Variants in RICTOR observed in about 807,000 individuals in gnomAD.
RICTOR encodes the protein rapamycin-insensitive companion of mTOR.
In RICTOR, 49 loss-of-function variants were observed where a neutral mutation model predicts 214.9. The ratio of observed to expected loss-of-function variants is 0.23; its 90% confidence interval spans 0.18 to 0.29. RICTOR has a LOEUF of 0.29. RICTOR is among the 10% of genes least tolerant of loss of function. The probability of loss-of-function intolerance (pLI) is 1.00; values close to 1 mark genes in which losing one functional copy is unlikely to be tolerated. For synonymous variants in RICTOR, 717 were observed against 711.3 expected, an observed-to-expected ratio of 1.01 and a Z score of -0.13; for missense variants, 1,625 against 2,047.0, an observed-to-expected ratio of 0.79 and a Z score of 3.98.
intron 2 of RICTOR, among the ~76,000 whole-genome samples, chr5:39,051,388 A>G (rs1397665744): frequency 6.6e-6 from 1 of 152,194 alleles, no homozygotes; most frequent in Non-Finnish European, 1.5e-5. Flanking sequence ...CTTTTCACAA[A>G]TAAAAAAAGT....
chr5:38,944,384 T>C (rs1304128189), intron 36 of RICTOR, 62 bp downstream of exon 36: 7 of 1,514,940 alleles, frequency 4.6e-6, no homozygotes, highest in Non-Finnish European at 6.3e-6. Context: ...GTATTTCAAG[T>C]ATCTTTTCTC....
intron 2 of RICTOR, among the ~76,000 whole-genome samples, chr5:39,049,046 A>C (rs1362687002): frequency 6.6e-6 from 1 of 152,174 alleles, no homozygotes; most frequent in African/African-American, 2.4e-5. Flanking sequence ...TTGGAACATA[A>C]ATGTACTCTT....
At chr5:38,944,159 TA>T in intron 36 of RICTOR, 1 of 490,318 alleles carries the variant, frequency 2.0e-6, no homozygotes, top group Non-Finnish European at 3.9e-6. Context: ...TTTCCAAAAG[TA>T]AAAAAGTGAG....
chr5:38,947,113 A>T, intron 32 of RICTOR, 151 bp downstream of exon 32: 1 of 594,890 alleles, frequency 1.7e-6, no homozygotes, highest in Non-Finnish European at 3.0e-6. Flanking sequence ...AAATAATTTT[A>T]ATCTTAAAGT....
At chr5:38,966,616 T>A (rs1561469839) in intron 15 of RICTOR, 25 bp downstream of exon 15, 1 of 1,102,602 alleles carries the variant, frequency 9.1e-7, no homozygotes, top group South Asian at 1.3e-5. Context: ...GTATGAAACA[T>A]ATAATCAGAA....
chr5:39,042,775 G>A (rs1046060953), intron 2 of RICTOR, among the ~76,000 whole-genome samples: 22 of 152,152 alleles, frequency 1.4e-4, no homozygotes, highest in Admixed American at 3.9e-4. Context: ...TTGAATAAAT[G>A]AACTTACTAT....
chr5:39,020,359 T>C (rs575645838), intron 3 of RICTOR, among the ~76,000 whole-genome samples: 62 of 152,290 alleles, frequency 4.1e-4, no homozygotes, highest in African/African-American at 1.2e-3. Context: ...GCAAACTTCA[T>C]TGCTGTCTTA....
chr5:38,952,172 A>G, intron 30 of RICTOR, 24 bp downstream of exon 30: 1 of 1,333,324 alleles, frequency 7.5e-7, no homozygotes, highest in South Asian at 1.2e-5. Flanking sequence ...GGCTAACTTT[A>G]TATGAACCTG....
chr5:39,059,368 G>C (rs571266186), intron 2 of RICTOR, among the ~76,000 whole-genome samples: 3 of 152,126 alleles, frequency 2.0e-5, no homozygotes, highest in Non-Finnish European at 4.4e-5. Flanking sequence ...GGCTGGGAAA[G>C]TAGTGCCTGG....
At position 38,959,884 on chromosome 5, in the gene RICTOR, T is replaced by C. The variant is rs1387094746; in HGVS notation, c.1946A>G (p.Asn649Ser). The change falls in exon 21 of 38, where the codon AAT (asparagine) becomes AGT (serine). Residue 649 changes from asparagine (N) to serine (S), a missense_variant. This residue lies in a region of RICTOR where 1,214 missense variants were observed against 1,470.5 expected (regional missense o/e 0.83). Transcript: ENST00000357387. Reference protein sequence around the residue: ...GMKPERSLQNNGLLTTLSQHY... With the variant: ...GMKPERSLQNSGLLTTLSQHY... ...TTGACTAAGGGTGGTCAATAAACCA[T>C]TATTTTGAAGACTTCTTTCGGGTTT... 1 of 1,612,894 alleles carries C rather than the reference T, an allele frequency of 6.2e-7. No individual in the cohort carries two copies. Among genetic ancestry groups the C allele is most frequent in the South Asian group, 1.1e-5 (1 of 91,052 alleles).
chr5:39,015,429 C>T (rs1428875126), intron 3 of RICTOR, among the ~76,000 whole-genome samples: 1 of 152,050 alleles, frequency 6.6e-6, no homozygotes, highest in Non-Finnish European at 1.5e-5. Flanking sequence ...ATAAAATCTA[C>T]ACACACATTT....
rs746113410 is a variant in RICTOR, at chr5:38,946,503, T to C, written c.4364A>G (p.Asp1455Gly). 2.5e-6 allele frequency: 4 copies of C among 1,612,004 alleles called. No individual in the cohort carries two copies. The highest frequency in any genetic ancestry group is 2.7e-5 in the African/African-American group (2 of 74,870). Residue 1455 changes from aspartate (D) to glycine (G), a missense_variant, in exon 33 of 38, where the codon GAT (aspartate) becomes GGT (glycine). Around this residue, in one of 5 missense-constraint regions of RICTOR, gnomAD observed 1,214 missense variants for 1,470.5 expected, o/e 0.83. Transcript: ENST00000357387. ...FQTKNIPPHD[D>G]RGARAFAHDA... ...ATGGGCAAATGCTCTTGCACCTCGA[T>C]CATCATGTGGTGGTATGTTTTTTGT...
chr5:39,000,099 G>C (rs1239284869), intron 5 of RICTOR, among the ~76,000 whole-genome samples: 1 of 151,786 alleles, frequency 6.6e-6, no homozygotes, highest in African/African-American at 2.4e-5. Flanking sequence ...TAACAACAAA[G>C]CTTCAAAATC....
At chr5:38,962,721 T>A in intron 17 of RICTOR, 135 bp from the exon 18 acceptor site, 1 of 797,466 alleles carries the variant, frequency 1.3e-6, no homozygotes, top group Non-Finnish European at 2.0e-6. Context: ...TTTAAAGTTA[T>A]AAAAACCCAT....
chr5:39,074,240 G>A (rs903011499), intron 1 of RICTOR, 82 bp from the exon 2 acceptor site: 22 of 1,578,536 alleles, frequency 1.4e-5, no homozygotes, highest in Non-Finnish European at 1.8e-5. Context: ...CAGCGCCCCG[G>A]CTCGCTCCCC....
chr5:38,991,191 C>G, intron 6 of RICTOR, 116 bp from the exon 7 acceptor site: 1 of 515,000 alleles, frequency 1.9e-6, no homozygotes, highest in Non-Finnish European at 3.3e-6. Flanking sequence ...ATCTAGGTAT[C>G]AATTTTAATC....
chr5:38,964,374 T>G (rs1579932626), intron 16 of RICTOR, among the ~76,000 whole-genome samples: 1 of 151,838 alleles, frequency 6.6e-6, no homozygotes, highest in South Asian at 2.1e-4. Context: ...TGTGGCCCAG[T>G]AGTACTTGTT....
At chr5:38,954,576 G>T in intron 27 of RICTOR, 198 bp downstream of exon 27, 1 of 483,302 alleles carries the variant, frequency 2.1e-6, no homozygotes, top group Non-Finnish European at 3.7e-6. Context: ...TTAATGCATT[G>T]CAAGGCCATT....
rs760258916 is a variant in RICTOR, at chr5:38,950,280, C to A, written c.3568G>T (p.Gly1190Cys). 5 of 1,613,300 alleles carry A rather than the reference C, an allele frequency of 3.1e-6. No homozygotes were observed. The highest frequency in any genetic ancestry group is 3.4e-6 in the Non-Finnish European group (4 of 1,179,488). The change falls in exon 31 of 38, where the codon GGT (glycine) becomes TGT (cysteine). Residue 1190 changes from glycine to cysteine, a missense_variant. Gly to Cys is a radical substitution (Grantham distance 159, BLOSUM62 -3). Around this residue, in one of 5 missense-constraint regions of RICTOR, gnomAD observed 1,214 missense variants for 1,470.5 expected, o/e 0.83. Transcript: ENST00000357387. ...GTATTTTCTCTGTGATTCTCTGTAC[C>A]AAAATTCTTGGTGAATTTTAAGTCA... is the stretch of plus-strand genomic sequence containing the variant. ...ENDLKFTKNF[G>C]TENHRENTSR...
Sources: gnomAD v4.1 joint callset for allele counts (sites outside exome capture counted in the v4.1 genomes callset) on GRCh38, gnomAD v4.1.1 for gene constraint, gnomAD v4.1.1 regional missense constraint, MANE v1.5 for transcripts, NCBI Gene and HGNC (gene_info 2026-07-23, HGNC 2026-07-21) for gene names.